The following MRTFA variants were observed in gnomAD, a reference collection of about 807,000 sequenced individuals.
The protein encoded by MRTFA is myocardin related transcription factor A, also known as myocardin-related transcription factor A.
MRTFA carries 20 observed loss-of-function variants against 83.5 expected under a neutral mutation model. The ratio of observed to expected loss-of-function variants is 0.24; its 90% CI spans 0.17 to 0.35. The LOEUF is 0.35. Among genes scored for constraint, MRTFA ranks in the 10% least tolerant of loss-of-function variants. The pLI, the probability that MRTFA is intolerant of heterozygous loss-of-function variation, is 1.00. For missense variants in MRTFA, 1,200 were observed against 1,224.7 expected (o/e 0.98, Z 0.30); for synonymous variants, 659 against 541.2 (o/e 1.22, Z -3.02).
At chr22:40,549,981 G>A (rs555784353) in intron 3 of MRTFA, among the ~76,000 whole-genome samples, 123 of 151,582 alleles carry the variant, frequency 8.1e-4, no homozygotes, top group Middle Eastern at 3.4e-3. Flanking sequence ...CCCGGGAGAC[G>A]GAGGCTGCAG....
intron 7 of MRTFA, among the ~76,000 whole-genome samples, chr22:40,427,920 C>G (rs2052988626): frequency 6.6e-6 from 1 of 152,146 alleles, no homozygotes. Flanking sequence ...TCTATAAAAA[C>G]TCTTGGATAA....
chr22:40,469,239 G>A (rs1466165256), intron 3 of MRTFA, among the ~76,000 whole-genome samples: 1 of 152,214 alleles, frequency 6.6e-6, no homozygotes, highest in Non-Finnish European at 1.5e-5. Flanking sequence ...CAATGTTGGA[G>A]GCGGGGCCTA....
chr22:40,519,009 T>A (rs2054813032), intron 3 of MRTFA, among the ~76,000 whole-genome samples: 1 of 150,566 alleles, frequency 6.6e-6, no homozygotes, highest in African/African-American at 2.4e-5. Context: ...GGTGGTTTTG[T>A]TTTTGGGGTT....
chr22:40,487,799 G>T (rs955617479), intron 3 of MRTFA, among the ~76,000 whole-genome samples: 2 of 152,178 alleles, frequency 1.3e-5, no homozygotes, highest in African/African-American at 2.4e-5. Flanking sequence ...TGCTCAAAAT[G>T]TATCTGTCAC....
At position 40,610,349 on chromosome 22, in the gene MRTFA, CT is replaced by C. The variant is rs1472466565; in HGVS notation, c.-83-15615del. On this transcript the variant is annotated intron_variant, in intron 1 of 14. Coordinates refer to ENST00000355630, the MANE Select transcript of MRTFA (RefSeq NM_020831.6). ...AGGCATAAGCCACCATACCCAGCCT[CT>C]TTTTTCCTCATTCTTATATTCCTGT... is the stretch of plus-strand genomic sequence containing the variant. 8.5e-5 allele frequency among the ~76,000 whole-genome samples: 13 copies of C among 152,140 alleles called. 1 individual carries two copies. In the East Asian group the frequency reaches 9.6e-4, roughly 11 times the overall value.
intron 3 of MRTFA, among the ~76,000 whole-genome samples, chr22:40,495,408 C>T (rs1432935296): frequency 3.0e-4 from 40 of 134,882 alleles, no homozygotes; most frequent in African/African-American, 9.8e-4. Context: ...GCCGAGATTG[C>T]GCCACTGCAC....
chr22:40,507,846 C>G (rs1266351666), intron 3 of MRTFA, among the ~76,000 whole-genome samples: 1 of 151,210 alleles, frequency 6.6e-6, no homozygotes. Context: ...ACCTGTAGTC[C>G]CAGCTACCAG....
At chr22:40,535,343 T>TTTTTC in intron 3 of MRTFA, among the ~76,000 whole-genome samples, 3 of 93,750 alleles carry the variant, frequency 3.2e-5, no homozygotes, top group African/African-American at 1.5e-4. Flanking sequence ...TGTGAGAGGT[T>TTTTTC]TTTTCTTTTT....
chr22:40,576,392 T>C (rs573946303), intron 2 of MRTFA, among the ~76,000 whole-genome samples: 1 of 152,332 alleles, frequency 6.6e-6, no homozygotes, highest in South Asian at 2.1e-4. Flanking sequence ...TTTTAAGTTA[T>C]TCATCTCAGT....
chr22:40,533,251 T>C (rs1163016976), intron 3 of MRTFA, among the ~76,000 whole-genome samples: 1 of 152,218 alleles, frequency 6.6e-6, no homozygotes, highest in Non-Finnish European at 1.5e-5. Flanking sequence ...GACAACAATG[T>C]ATAAAACAGC....
chr22:40,621,370 G>C (rs2056520951), intron 1 of MRTFA, among the ~76,000 whole-genome samples: 1 of 152,120 alleles, frequency 6.6e-6, no homozygotes, highest in Non-Finnish European at 1.5e-5. Context: ...AGTCACAAAA[G>C]ACAAATATTG....
chr22:40,435,478 G>C (rs377566207), intron 5 of MRTFA, 21 bp downstream of exon 5: 51 of 1,613,170 alleles, frequency 3.2e-5, no homozygotes, highest in Non-Finnish European at 3.5e-5. Context: ...GGAGTTCTGA[G>C]GGGGAAAAAA....
At chr22:40,483,238 AT>A (rs775025763) in intron 3 of MRTFA, among the ~76,000 whole-genome samples, 1 of 151,810 alleles carries the variant, frequency 6.6e-6, no homozygotes, top group African/African-American at 2.4e-5. Context: ...TTTTAAAAAA[AT>A]TTTTTTGTAG....
chr22:40,496,921 C>T (rs1315836499), intron 3 of MRTFA, among the ~76,000 whole-genome samples: 3 of 152,284 alleles, frequency 2.0e-5, no homozygotes, highest in Admixed American at 6.5e-5. Flanking sequence ...GACAAGGTGT[C>T]CTCTATCTCT....
At chr22:40,556,049 CAAAGAAA>C in intron 2 of MRTFA, among the ~76,000 whole-genome samples, 1 of 151,860 alleles carries the variant, frequency 6.6e-6, no homozygotes, top group East Asian at 1.9e-4. Flanking sequence ...AAATATTATA[CAAAGAAA>C]AAAGATTTTA....
At chr22:40,447,136 G>A (rs144392382) in intron 4 of MRTFA, among the ~76,000 whole-genome samples, 6 of 151,836 alleles carry the variant, frequency 4.0e-5, no homozygotes, top group East Asian at 3.9e-4. Context: ...CAAGCAGATC[G>A]CTTGAGGTCA....
At chr22:40,587,166 C>A in intron 2 of MRTFA, 1 of 460,014 alleles carries the variant, frequency 2.2e-6, no homozygotes, top group South Asian at 1.6e-5. Context: ...TATTGATCAT[C>A]TTGTGCATGC....
chr22:40,575,977 T>C (rs2055861724), intron 2 of MRTFA, among the ~76,000 whole-genome samples: 1 of 152,110 alleles, frequency 6.6e-6, no homozygotes. Flanking sequence ...ACTGATATTT[T>C]TGTAGTATTC....
At position 40,483,232 on chromosome 22, in the gene MRTFA, A is replaced by T. The variant is rs567045871; in HGVS notation, c.242-19946T>A. Among the ~76,000 whole-genome samples the T allele has an allele frequency of 7.9e-5, 12 of 151,640 alleles. No homozygotes were observed. In the South Asian group the frequency reaches 1.1e-3, roughly 14 times the overall value. On this transcript the variant is annotated intron_variant, in intron 3 of 14. Transcript: ENST00000355630. ...CTCTCCACCACGTCTGGCTAATTTTAAAAAAATTTTTTTGTAGAGATGGGG... is the reference window on the plus strand; with the variant it reads ...CTCTCCACCACGTCTGGCTAATTTTTAAAAAATTTTTTTGTAGAGATGGGG...
Sources: allele counts gnomAD v4.1 joint callset (sites outside exome capture counted in the v4.1 genomes callset), GRCh38; gene constraint gnomAD v4.1.1; transcripts MANE v1.5; gene names NCBI Gene and HGNC (gene_info 2026-07-23, HGNC 2026-07-21).